Variants in FBN2 observed in about 807,000 individuals in gnomAD.
The protein encoded by FBN2 is fibrillin 2.
FBN2 carries 105 observed loss-of-function variants against 355.6 expected under a neutral mutation model. The observed-to-expected ratio is 0.30, with a 90% confidence interval of 0.25 to 0.35. The LOEUF is 0.35. Ranked by LOEUF, FBN2 falls within the 10% of genes least tolerant of loss-of-function variation. The pLI, the probability that FBN2 is intolerant of heterozygous loss-of-function variation, is 1.00. For synonymous variants in FBN2, 1,350 were observed against 1,301.2 expected (o/e 1.04, Z -0.81); for missense variants, 3,280 against 3,758.7 (o/e 0.87, Z 3.33).
At chr5:128,478,553 T>C (rs1755066000) in intron 5 of FBN2, among the ~76,000 whole-genome samples, 1 of 152,214 alleles carries the variant, frequency 6.6e-6, no homozygotes, top group Non-Finnish European at 1.5e-5. Context: ...TGCTTAGGGC[T>C]CTTGACTAAT....
At chr5:128,338,483 A>G (rs535067895) in intron 26 of FBN2, among the ~76,000 whole-genome samples, 1 of 152,320 alleles carries the variant, frequency 6.6e-6, no homozygotes, top group Admixed American at 6.5e-5. Flanking sequence ...CTTATAACCT[A>G]CTATATCCTA....
At chr5:128,376,678 T>G in intron 14 of FBN2, 53 bp downstream of exon 14, 13 of 1,604,524 alleles carry the variant, frequency 8.1e-6, no homozygotes, top group Non-Finnish European at 1.1e-5. Flanking sequence ...TTCATTCAAA[T>G]AAAAAAGGTG....
chr5:128,419,266 G>C (rs1753282878), intron 7 of FBN2, among the ~76,000 whole-genome samples: 1 of 152,166 alleles, frequency 6.6e-6, no homozygotes, highest in Admixed American at 6.5e-5. Flanking sequence ...AATAGAGATA[G>C]TTTTACTTCT....
rs570716691 is a variant in FBN2, at chr5:128,442,880, A to G, written c.952+3601T>C. 9.4e-4 allele frequency among the ~76,000 whole-genome samples: 143 copies of G among 152,304 alleles called. 1 individual carries two copies. Among genetic ancestry groups the G allele is most frequent in the African/African-American group, 3.2e-3 (135 of 41,580 alleles). On this transcript the variant is annotated intron_variant, in intron 7 of 64. Transcript: ENST00000262464. ...CTATATCTGAATATGAGGGAAAAAAAGAGTCGCAGGAGAATCAAACAACAT... is the reference window on the plus strand; with the variant it reads ...CTATATCTGAATATGAGGGAAAAAAGGAGTCGCAGGAGAATCAAACAACAT...
At chr5:128,335,340 C>A (rs1581224155) in intron 29 of FBN2, 45 bp from the exon 30 acceptor site, 1 of 1,613,596 alleles carries the variant, frequency 6.2e-7, no homozygotes, top group Middle Eastern at 1.6e-4. Context: ...AAATGTCGTT[C>A]ATCAATCTCA....
At position 128,528,604 on chromosome 5, in the gene FBN2, G is replaced by A. The variant is rs996633613; in HGVS notation, c.437-637C>T. Among the ~76,000 whole-genome samples, 5 of 152,126 alleles carry A rather than the reference G, an allele frequency of 3.3e-5. No homozygotes were observed. The East Asian group carries it at 9.6e-4, about 29-fold the overall frequency. Reference sequence around the variant, plus strand: ...TCAAAAGACCTTAGGATGGTAAAAGGTTTCTTCTGAAGAATGGAGAGATTC... The same window carrying A: ...TCAAAAGACCTTAGGATGGTAAAAGATTTCTTCTGAAGAATGGAGAGATTC... On this transcript the variant is annotated intron_variant, in intron 3 of 64. Coordinates refer to ENST00000262464, the MANE Select transcript of FBN2 (RefSeq NM_001999.4).
intron 54 of FBN2, 109 bp downstream of exon 54, chr5:128,287,199 A>C: frequency 7.9e-7 from 1 of 1,261,358 alleles, no homozygotes; most frequent in Non-Finnish European, 1.2e-6. Context: ...TGTCATATAT[A>C]TATTTCTGTA....
In FBN2 at chr5:128,300,949, A is replaced by G. The variant is rs767514749; in HGVS notation, c.6047-13T>C. ...CACTCATTAGTGTCTTTAGAGAAAA[A>G]GAAGAGAAAAAATAATTTAAGCATG... is the stretch of plus-strand genomic sequence containing the variant. On this transcript the variant is annotated splice_polypyrimidine_tract_variant and intron_variant, in intron 47 of 64. Transcript: ENST00000262464. 6.2e-7 allele frequency: 1 copy of G among 1,611,966 alleles called. No homozygotes were observed. Among genetic ancestry groups the G allele is most frequent in the Non-Finnish European group, 8.5e-7 (1 of 1,178,294 alleles).
intron 48 of FBN2, among the ~76,000 whole-genome samples, chr5:128,295,443 C>A (rs1477594702): frequency 1.3e-5 from 2 of 151,074 alleles, no homozygotes; most frequent in African/African-American, 2.4e-5. Context: ...GCCATTTTCA[C>A]AATATTGATT....
intron 48 of FBN2, among the ~76,000 whole-genome samples, chr5:128,297,234 T>G (rs1749549016): frequency 6.6e-6 from 1 of 152,166 alleles, no homozygotes; most frequent in African/African-American, 2.4e-5. Flanking sequence ...CTTTTACATT[T>G]CTGAGGAGAG....
chr5:128,318,059 G>A (rs1750258933), intron 36 of FBN2, 90 bp downstream of exon 36: 2 of 1,368,478 alleles, frequency 1.5e-6, no homozygotes, highest in Non-Finnish European at 2.1e-6. Flanking sequence ...TAAGTTAACT[G>A]TAGCAAACAC....
intron 36 of FBN2, among the ~76,000 whole-genome samples, chr5:128,317,395 A>C (rs1750235123): frequency 6.6e-6 from 1 of 152,200 alleles, no homozygotes; most frequent in Non-Finnish European, 1.5e-5. Flanking sequence ...AATGATAATT[A>C]AAAGTATTCT....
At chr5:128,503,806 A>G (rs1259129325) in intron 5 of FBN2, among the ~76,000 whole-genome samples, 1 of 152,204 alleles carries the variant, frequency 6.6e-6, no homozygotes, top group Admixed American at 6.5e-5. Context: ...TGCCCAAGTA[A>G]TGAGGAACCA....
intron 12 of FBN2, 87 bp downstream of exon 12, chr5:128,378,684 T>G: frequency 7.3e-7 from 1 of 1,376,510 alleles, no homozygotes; most frequent in Non-Finnish European, 1.0e-6. Flanking sequence ...TTTTATTCCA[T>G]GTTTTAATAA....
intron 7 of FBN2, among the ~76,000 whole-genome samples, chr5:128,434,449 G>T (rs919554453): frequency 2.5e-5 from 3 of 119,578 alleles, no homozygotes; most frequent in Middle Eastern, 4.2e-3. Flanking sequence ...CAGCACTGGC[G>T]AGAACTGCAG....
intron 5 of FBN2, among the ~76,000 whole-genome samples, chr5:128,467,537 A>ATC (rs1754744557): frequency 6.6e-6 from 1 of 152,150 alleles, no homozygotes; most frequent in Non-Finnish European, 1.5e-5. Context: ...CCTGCAGTTT[A>ATC]ATTATGGACA....
In FBN2 at chr5:128,361,742, A is replaced by G. The variant is rs1445765286; in HGVS notation, c.2535T>C (p.Thr845=). ...TCTTACCTTCACAGGTCTCTGTCTC[A>G]GTCCTGAACACATACCCTGGTGGGC... The part of the protein sequence containing the change: ...CTCPPGYVFR[T]ETETCEDINE... The change falls in exon 19 of 65, where the codon ACT becomes ACC. Residue 845 remains threonine, a synonymous_variant. Transcript: ENST00000262464. 6.2e-7 allele frequency: 1 copy of G among 1,614,176 alleles called. No individual in the cohort carries two copies. Among genetic ancestry groups the G allele is most frequent in the East Asian group, 2.2e-5 (1 of 44,870 alleles).
chr5:128,478,306 G>A (rs1755059069), intron 5 of FBN2, among the ~76,000 whole-genome samples: 1 of 152,168 alleles, frequency 6.6e-6, no homozygotes, highest in Non-Finnish European at 1.5e-5. Flanking sequence ...AATATAATCT[G>A]CAGTGCTGGG....
At position 128,537,359 on chromosome 5, in the gene FBN2, A is replaced by T. The variant is rs1235527803; in HGVS notation, c.245T>A (p.Val82Glu). 6.2e-7 allele frequency: 1 copy of T among 1,610,700 alleles called. No homozygotes were observed. Among genetic ancestry groups the T allele is most frequent in the Non-Finnish European group, 8.5e-7 (1 of 1,179,804 alleles). The change falls in exon 1 of 65, where the codon GTG becomes GAG. Residue 82 changes from valine to glutamate, a missense_variant. Val to Glu is a moderately radical substitution (Grantham distance 121). Coordinates refer to ENST00000262464, the MANE Select transcript of FBN2 (RefSeq NM_001999.4). ...SRVRRRGQQD[V>E]LRGPNVCGSR... ...CCGCTTGCCCACTTACCCTCGGAGC[A>T]CGTCCTGCTGTCCTCGCCGGCGGAC...
Sources: allele counts gnomAD v4.1 joint callset (sites outside exome capture counted in the v4.1 genomes callset), GRCh38; gene constraint gnomAD v4.1.1; transcripts MANE v1.5; gene names NCBI Gene and HGNC (gene_info 2026-07-23, HGNC 2026-07-21).